Variants in KHDRBS2 observed in about 807,000 individuals in gnomAD.
KHDRBS2 encodes KH domain-containing, RNA-binding, signal transduction-associated protein 2.
A neutral mutation model predicts 44.3 loss-of-function variants in KHDRBS2; 26 were observed. That is an observed-to-expected ratio of 0.59 (90% CI 0.43 to 0.81). KHDRBS2 has a LOEUF of 0.81. Among genes scored for constraint, KHDRBS2 ranks in the 40% least tolerant of loss-of-function variants. KHDRBS2 has a pLI of 0.00. For synonymous variants in KHDRBS2, 194 were observed against 151.1 expected (o/e 1.28, Z -2.08); for missense variants, 476 against 433.1 (o/e 1.10, Z -0.88).
chr6:61,887,233 C>T (rs934470902), intron 6 of KHDRBS2, among the ~76,000 whole-genome samples: 1 of 152,160 alleles, frequency 6.6e-6, no homozygotes, highest in African/African-American at 2.4e-5. Flanking sequence ...AGTTAATACA[C>T]AGTGACTGGA....
chr6:61,715,492 C>A (rs1302049048), intron 7 of KHDRBS2, among the ~76,000 whole-genome samples: 2 of 151,824 alleles, frequency 1.3e-5, no homozygotes, highest in African/African-American at 2.4e-5. Flanking sequence ...AGTAATGAAT[C>A]ATATTCTCAT....
At chr6:61,647,601 CA>C in the KHDRBS2 span, among the ~76,000 whole-genome samples, 1 of 152,074 alleles carries the variant, frequency 6.6e-6, no homozygotes, top group African/African-American at 2.4e-5. Flanking sequence ...AGGCGCTTCT[CA>C]TAATCAATAT....
At chr6:61,554,041 G>A in the KHDRBS2 span, among the ~76,000 whole-genome samples, 3 of 152,086 alleles carry the variant, frequency 2.0e-5, no homozygotes, top group African/African-American at 7.2e-5. Flanking sequence ...TTGAGTTCAT[G>A]TCTTGTATAT....
At chr6:61,547,643 T>A in the KHDRBS2 span, among the ~76,000 whole-genome samples, 1 of 152,050 alleles carries the variant, frequency 6.6e-6, no homozygotes, top group Non-Finnish European at 1.5e-5. Context: ...CTTCGAGAGT[T>A]TGAAAAAATA....
intron 2 of KHDRBS2, among the ~76,000 whole-genome samples, chr6:62,080,120 C>A (rs138470184): frequency 7.9e-5 from 12 of 152,096 alleles, no homozygotes; most frequent in African/African-American, 2.9e-4. Flanking sequence ...TAAATAGATT[C>A]TCAATTACAT....
At chr6:61,721,569 G>C (rs1300019029) in intron 7 of KHDRBS2, among the ~76,000 whole-genome samples, 1 of 138,292 alleles carries the variant, frequency 7.2e-6, no homozygotes, top group East Asian at 2.2e-4. Flanking sequence ...CTCATGATTT[G>C]GCTCTCTGTT....
chr6:62,257,906 G>A (rs947097929), intron 1 of KHDRBS2, among the ~76,000 whole-genome samples: 4 of 151,678 alleles, frequency 2.6e-5, no homozygotes, highest in African/African-American at 9.7e-5. Flanking sequence ...TGCTCTCTAC[G>A]ACGACCCAGC....
At chr6:61,630,513 C>T in the KHDRBS2 span, 1 of 152,198 alleles carries the variant, frequency 6.6e-6, no homozygotes, top group African/African-American at 2.4e-5. Context: ...TGCAACCAAA[C>T]CAGACATACA....
chr6:61,624,764 C>T, the KHDRBS2 span, among the ~76,000 whole-genome samples: 28 of 152,166 alleles, frequency 1.8e-4, no homozygotes, highest in East Asian at 5.8e-4. Flanking sequence ...ACGATATATA[C>T]GCTAAGTCAG....
intron 4 of KHDRBS2, among the ~76,000 whole-genome samples, chr6:61,972,788 GTTAC>G (rs1771700066): frequency 6.6e-6 from 1 of 152,150 alleles, no homozygotes; most frequent in South Asian, 2.1e-4. Context: ...CCATTTATCA[GTTAC>G]TTTTGCTGGC....
At chr6:61,694,292 C>T (rs933149576) in intron 8 of KHDRBS2, among the ~76,000 whole-genome samples, 10 of 152,126 alleles carry the variant, frequency 6.6e-5, no homozygotes, top group African/African-American at 2.4e-4. Flanking sequence ...GAGTAATGTT[C>T]TCTAAACGTG....
chr6:61,988,561 A>AT (rs34221754), intron 3 of KHDRBS2, among the ~76,000 whole-genome samples: 33,437 of 152,016 alleles, frequency 0.22, 3,828 homozygotes, highest in East Asian at 0.3. Context: ...GACACAGAAA[A>AT]TGGGGAGTAG....
chr6:61,987,093 G>A (rs760848993), intron 3 of KHDRBS2, among the ~76,000 whole-genome samples: 1 of 152,158 alleles, frequency 6.6e-6, no homozygotes, highest in South Asian at 2.1e-4. Context: ...ATGATGGCCA[G>A]AATTAAAAAT....
intron 6 of KHDRBS2, among the ~76,000 whole-genome samples, chr6:61,877,729 T>C (rs2127312536): frequency 6.6e-6 from 1 of 152,124 alleles, no homozygotes; most frequent in South Asian, 2.1e-4. Context: ...AGTGATATTA[T>C]ATTTAAAACA....
intron 6 of KHDRBS2, among the ~76,000 whole-genome samples, chr6:61,844,614 T>C (rs947730726): frequency 1.3e-5 from 2 of 152,160 alleles, no homozygotes; most frequent in Admixed American, 6.5e-5. Flanking sequence ...AAGAACTTTG[T>C]CTTATTCCCT....
the KHDRBS2 span, among the ~76,000 whole-genome samples, chr6:61,664,150 C>G: frequency 6.6e-6 from 1 of 151,710 alleles, no homozygotes; most frequent in East Asian, 2.0e-4. Context: ...TTCTACTTTT[C>G]TTATATAAAA....
intron 7 of KHDRBS2, among the ~76,000 whole-genome samples, chr6:61,710,375 C>T (rs150875139): frequency 6.3e-4 from 95 of 151,766 alleles, no homozygotes; most frequent in African/African-American, 1.7e-3. Flanking sequence ...ACCATCACTG[C>T]GGCATACTTT....
intron 1 of KHDRBS2, among the ~76,000 whole-genome samples, chr6:62,250,329 T>C (rs1836308187): frequency 6.6e-6 from 1 of 152,164 alleles, no homozygotes; most frequent in Non-Finnish European, 1.5e-5. Context: ...ACAACTCGCT[T>C]TGACTGATCT....
At chr6:62,194,801 C>A (rs1014477059) in intron 1 of KHDRBS2, among the ~76,000 whole-genome samples, 5 of 151,748 alleles carry the variant, frequency 3.3e-5, no homozygotes, top group African/African-American at 1.2e-4. Flanking sequence ...GTCACTGCAC[C>A]CGGCCTACAA....
Sources: allele counts gnomAD v4.1 joint callset (sites outside exome capture counted in the v4.1 genomes callset), GRCh38; gene constraint gnomAD v4.1.1; transcripts MANE v1.5; gene names NCBI Gene and HGNC (gene_info 2026-07-23, HGNC 2026-07-21).